The following SYNE1 variants were observed in gnomAD, a reference collection of about 807,000 sequenced individuals.
SYNE1 encodes the protein spectrin repeat containing nuclear envelope protein 1.
SYNE1 carries 616 observed loss-of-function variants against 1,111.0 expected under a neutral mutation model. That is an observed-to-expected ratio of 0.55 (90% CI 0.52 to 0.59). The LOEUF is 0.59. SYNE1 is among the 20% of genes least tolerant of loss of function. The pLI, the probability that SYNE1 is intolerant of heterozygous loss-of-function variation, is 0.00. For missense variants in SYNE1, 10,006 were observed against 10,417.0 expected, an observed-to-expected ratio of 0.96 and a Z score of 1.72; for synonymous variants, 3,855 against 3,825.8, an observed-to-expected ratio of 1.01 and a Z score of -0.28.
Position 152,123,195 on chromosome 6 carries a change from TA to T in SYNE1, c.26154-520del, listed in dbSNP as rs1280292611. Among the ~76,000 whole-genome samples the T allele has an allele frequency of 2.0e-5, 3 of 152,300 alleles. No individual in the cohort carries two copies. In the East Asian group the frequency reaches 5.8e-4, roughly 29 times the overall value. On this transcript the variant is annotated intron_variant, in intron 145 of 145. Transcript: ENST00000367255. ...GTCTTTGTCATTTTGCACAGACCCA[TA>T]AAAGCTTCATTAATCATAGAGCATA...
chr6:152,492,369 CT>C (rs1439845703), intron 11 of SYNE1, among the ~76,000 whole-genome samples: 5 of 152,244 alleles, frequency 3.3e-5, no homozygotes, highest in Non-Finnish European at 5.9e-5. Context: ...GTTGCAATTA[CT>C]TGCCTCCACT....
At position 152,534,202 on chromosome 6, in the gene SYNE1, G is replaced by GAATGAATA. The variant is rs1407316090; in HGVS notation, c.129+5757_129+5758insTATTCATT. The stretch of plus-strand genomic sequence containing the variant: ...TGAATGAATGAATGAATGAATGAAT[G>GAATGAATA]AATAAATAAATAAATAAAATAATAT... On this transcript the variant is annotated intron_variant, in intron 4 of 145. Transcript: ENST00000367255. Among the ~76,000 whole-genome samples the GAATGAATA allele has an allele frequency of 1.6e-4, 23 of 145,436 alleles. No homozygotes were observed. The East Asian group carries it at 3.4e-3, about 22-fold the overall frequency.
chr6:152,298,444 T>G (rs2094997742), intron 93 of SYNE1, among the ~76,000 whole-genome samples: 1 of 152,202 alleles, frequency 6.6e-6, no homozygotes, highest in Non-Finnish European at 1.5e-5. Context: ...TACCTTCAAG[T>G]AAGCTAAACT....
At chr6:152,413,863 T>C (rs553912765) in intron 41 of SYNE1, among the ~76,000 whole-genome samples, 14 of 152,194 alleles carry the variant, frequency 9.2e-5, no homozygotes, top group African/African-American at 3.4e-4. Flanking sequence ...AGGTAAATAC[T>C]TATTGTAAAA....
At chr6:152,471,929 T>TAAAAGCA in intron 15 of SYNE1, 164 bp from the exon 16 acceptor site, 1 of 717,370 alleles carries the variant, frequency 1.4e-6, no homozygotes. Flanking sequence ...GCTCTGGATT[T>TAAAAGCA]AAAAGCAAAG....
intron 33 of SYNE1, 60 bp from the exon 34 acceptor site, chr6:152,434,005 T>C: frequency 6.9e-7 from 1 of 1,448,406 alleles, no homozygotes; most frequent in Non-Finnish European, 9.5e-7. Flanking sequence ...CAACAACACA[T>C]TTTCCTTGAA....
At position 152,234,654 on chromosome 6, in the gene SYNE1, A is replaced by T; in HGVS notation, c.20529+14T>A. On this transcript the variant is annotated intron_variant, in intron 111 of 145. Coordinates refer to ENST00000367255, the MANE Select transcript of SYNE1 (RefSeq NM_182961.4). ...TATAGGCCTGAATCAAATGCTTTAG[A>T]TTCTTAGACTTACCAGGAAAGCATT... The T allele has an allele frequency of 6.2e-7, 1 of 1,614,160 alleles. No homozygotes were observed. Among genetic ancestry groups the T allele is most frequent in the Non-Finnish European group, 8.5e-7 (1 of 1,180,010 alleles).
intron 16 of SYNE1, among the ~76,000 whole-genome samples, chr6:152,469,151 T>C (rs987248500): frequency 6.6e-6 from 1 of 152,142 alleles, no homozygotes; most frequent in Admixed American, 6.6e-5. Context: ...CTTTGGTGAT[T>C]TGTGATTTTA....
intron 133 of SYNE1, 54 bp downstream of exon 133, chr6:152,154,838 A>T (rs1427420229): frequency 1.9e-6 from 3 of 1,604,764 alleles, no homozygotes; most frequent in Non-Finnish European, 2.6e-6. Flanking sequence ...TCCAACTACC[A>T]GCTGGCTACT....
intron 11 of SYNE1, among the ~76,000 whole-genome samples, chr6:152,498,447 G>C (rs576141753): frequency 1.3e-5 from 2 of 152,244 alleles, no homozygotes; most frequent in South Asian, 4.1e-4. Flanking sequence ...CGTAGTTACT[G>C]TAAGTCCTTT....
intron 2 of SYNE1, among the ~76,000 whole-genome samples, chr6:152,632,309 C>CA (rs1363801421): frequency 6.6e-6 from 1 of 151,704 alleles, no homozygotes; most frequent in African/African-American, 2.4e-5. Context: ...CTCTTCAATG[C>CA]AAAAAAAAGT....
chr6:152,599,723 A>G (rs1219035768), intron 3 of SYNE1, among the ~76,000 whole-genome samples: 1 of 152,214 alleles, frequency 6.6e-6, no homozygotes, highest in Non-Finnish European at 1.5e-5. Context: ...ATTTGAGTCA[A>G]GTGTATTCAA....
intron 128 of SYNE1, 97 bp downstream of exon 128, chr6:152,189,155 T>A (rs576759738): frequency 7.7e-7 from 1 of 1,291,596 alleles, no homozygotes. Context: ...CTAAGAATTA[T>A]GGGCCGGGTC....
At chr6:152,398,392 T>C (rs1024928228) in intron 49 of SYNE1, among the ~76,000 whole-genome samples, 2 of 152,192 alleles carry the variant, frequency 1.3e-5, no homozygotes, top group Non-Finnish European at 2.9e-5. Context: ...GAATTGTCAA[T>C]AGGCTAAAAA....
chr6:152,483,104 C>A lies in SYNE1; in HGVS notation c.1331G>T (p.Arg444Leu), dbSNP rs768414124. The A allele has an allele frequency of 1.2e-6, 2 of 1,614,172 alleles. No individual in the cohort carries two copies. The highest frequency in any genetic ancestry group is 4.5e-5 in the East Asian group (2 of 44,878). Reference protein sequence around the residue: ...VHEETANTIQRKLEQHKDLLQ... With the variant: ...VHEETANTIQLKLEQHKDLLQ... The stretch of plus-strand genomic sequence containing the variant: ...TTTTACCTTATGTTGCTCAAGTTTC[C>A]GTTGTATCGTGTTTGCTGTTTCCTC... The change falls in exon 14 of 146, where the codon CGG becomes CTG. Residue 444 changes from arginine (R) to leucine (L), a missense_variant. Around this residue, in one of 7 missense-constraint regions of SYNE1, gnomAD observed 1,971 missense variants for 2,084.1 expected, o/e 0.95. Coordinates refer to ENST00000367255, the MANE Select transcript of SYNE1 (RefSeq NM_182961.4).
At position 152,413,439 on chromosome 6, in the gene SYNE1, T is replaced by A. The variant is rs1563829004; in HGVS notation, c.6143A>T (p.Lys2048Ile). ...LKDKAKQIAQKDVAFAPEVDR... is the reference protein window; with the variant it reads ...LKDKAKQIAQIDVAFAPEVDR... ...AACTTCAGGTGCAAAAGCTACATCT[T>A]TCTGGGCAATTTGCTTGGCTTTGTC... Residue 2048 changes from lysine to isoleucine, a missense_variant, in exon 42 of 146, where the codon AAA becomes ATA. Coordinates refer to ENST00000367255, the MANE Select transcript of SYNE1 (RefSeq NM_182961.4). 1 of 1,614,036 alleles carries A rather than the reference T, an allele frequency of 6.2e-7. No individual in the cohort carries two copies. Among genetic ancestry groups the A allele is most frequent in the Non-Finnish European group, 8.5e-7 (1 of 1,180,026 alleles).
intron 2 of SYNE1, among the ~76,000 whole-genome samples, chr6:152,629,181 T>G (rs2099692607): frequency 6.6e-6 from 1 of 152,064 alleles, no homozygotes; most frequent in Non-Finnish European, 1.5e-5. Flanking sequence ...AGTGGACATT[T>G]TCCTTCTAAA....
intron 137 of SYNE1, chr6:152,146,232 G>T (rs923458395): frequency 6.5e-6 from 1 of 153,670 alleles, no homozygotes; most frequent in African/African-American, 2.4e-5. Context: ...GCAGAACTGA[G>T]ATTTCAGCCC....
intron 58 of SYNE1, chr6:152,375,984 A>G (rs2097273611): frequency 5.4e-6 from 1 of 183,990 alleles, no homozygotes; most frequent in Middle Eastern, 2.5e-3. Context: ...GCGGTCCCCA[A>G]CCTTTTTGGC....
Sources: gnomAD v4.1 joint callset for allele counts (sites outside exome capture counted in the v4.1 genomes callset) on GRCh38, gnomAD v4.1.1 for gene constraint, gnomAD v4.1.1 regional missense constraint, MANE v1.5 for transcripts, NCBI Gene and HGNC (gene_info 2026-07-23, HGNC 2026-07-21) for gene names.